HDAC9: variants seen among roughly 807,000 people sequenced by gnomAD.
HDAC9 encodes the protein histone deacetylase 9.
A neutral mutation model predicts 139.4 loss-of-function variants in HDAC9; 41 were observed. That is an observed-to-expected ratio of 0.29 (90% confidence interval 0.23 to 0.38). The LOEUF (loss-of-function observed/expected upper bound fraction) is 0.38, where lower values mean the gene tolerates loss of function less well. HDAC9 is among the 10% of genes least tolerant of loss of function. HDAC9 has a pLI of 1.00. For missense variants in HDAC9, 1,147 were observed against 1,297.0 expected (o/e 0.88, Z 1.78); for synonymous variants, 517 against 476.2 (o/e 1.09, Z -1.12).
chr7:18,786,795 CT>C (rs1211799898), intron 16 of HDAC9, among the ~76,000 whole-genome samples: 1 of 63,936 alleles, frequency 1.6e-5, no homozygotes, highest in Admixed American at 1.4e-4. Flanking sequence ...TTCTTTCTTT[CT>C]TTCCTTCCTT....
intron 1 of HDAC9, among the ~76,000 whole-genome samples, chr7:18,439,478 C>T (rs1335677181): frequency 1.3e-5 from 2 of 152,148 alleles, no homozygotes; most frequent in Admixed American, 6.5e-5. Flanking sequence ...GCCCATCTCA[C>T]GTCTGCTTCA....
chr7:18,573,041 G>A (rs1824808757), intron 2 of HDAC9, among the ~76,000 whole-genome samples: 1 of 152,146 alleles, frequency 6.6e-6, no homozygotes, highest in African/African-American at 2.4e-5. Flanking sequence ...ATATTTCAAG[G>A]CCTACTGATA....
chr7:18,566,219 A>G (rs1377695675), intron 2 of HDAC9, among the ~76,000 whole-genome samples: 1 of 152,238 alleles, frequency 6.6e-6, no homozygotes, highest in African/African-American at 2.4e-5. Flanking sequence ...TCCAAATACC[A>G]CAATCAAGGA....
At chr7:18,852,388 G>A (rs1158171987) in intron 21 of HDAC9, among the ~76,000 whole-genome samples, 2 of 152,174 alleles carry the variant, frequency 1.3e-5, no homozygotes, top group South Asian at 2.1e-4. Flanking sequence ...AGAGTCAGGC[G>A]AGGAGGCGGA....
chr7:18,558,315 T>G lies in HDAC9; in HGVS notation c.23-26966T>G, dbSNP rs77585172. On this transcript the variant is annotated intron_variant, in intron 2 of 25. Transcript: ENST00000686413. ...TTTCCGGTTATTGGTGTTTCTTTCATAGGCCATTGGTAAGTGAAGGAACTA... is the reference window on the plus strand; with the variant it reads ...TTTCCGGTTATTGGTGTTTCTTTCAGAGGCCATTGGTAAGTGAAGGAACTA... Among the ~76,000 whole-genome samples the G allele has an allele frequency of 4.2e-3, 641 of 152,300 alleles. 5 individuals carry two copies. The highest frequency in any genetic ancestry group is 0.015 in the African/African-American group (603 of 41,570).
intron 12 of HDAC9, among the ~76,000 whole-genome samples, chr7:18,714,532 A>G (rs1015817066): frequency 2.6e-5 from 4 of 152,302 alleles, no homozygotes; most frequent in Middle Eastern, 3.4e-3. Context: ...ACCCTTATGA[A>G]TAGCCATGCT....
chr7:18,458,818 A>G, intron 1 of HDAC9: 1 of 1,524,872 alleles, frequency 6.6e-7, no homozygotes, highest in South Asian at 1.2e-5. Flanking sequence ...TTCCTTCTTC[A>G]ACCTGACTTT....
chr7:18,444,835 T>C (rs1304110013), intron 1 of HDAC9, among the ~76,000 whole-genome samples: 2 of 152,230 alleles, frequency 1.3e-5, no homozygotes, highest in Non-Finnish European at 2.9e-5. Context: ...TTCTTGACCA[T>C]TACCATCAAG....
At chr7:18,332,353 A>G (rs914349273) in intron 1 of HDAC9, among the ~76,000 whole-genome samples, 47 of 129,176 alleles carry the variant, frequency 3.6e-4, no homozygotes, top group African/African-American at 1.3e-3. Flanking sequence ...GTGGCTGTGC[A>G]TGCGCACATG....
intron 2 of HDAC9, among the ~76,000 whole-genome samples, chr7:18,280,258 C>T (rs1472930452): frequency 6.6e-6 from 1 of 152,010 alleles, no homozygotes; most frequent in South Asian, 2.1e-4. Flanking sequence ...TTGAGACCAG[C>T]TTGGATAACA....
At chr7:18,209,294 T>C (rs1791767882) in intron 2 of HDAC9, among the ~76,000 whole-genome samples, 2 of 152,208 alleles carry the variant, frequency 1.3e-5, no homozygotes, top group Admixed American at 6.5e-5. Flanking sequence ...GTAAATACTT[T>C]ATGGTCCCCA....
intron 1 of HDAC9, among the ~76,000 whole-genome samples, chr7:18,294,329 C>T (rs1226798738): frequency 1.3e-5 from 2 of 152,118 alleles, no homozygotes; most frequent in East Asian, 1.9e-4. Context: ...GTTCTTATTC[C>T]GTGGTTTCTT....
At chr7:18,253,150 C>A (rs1440907800) in intron 2 of HDAC9, among the ~76,000 whole-genome samples, 1 of 152,176 alleles carries the variant, frequency 6.6e-6, no homozygotes, top group Admixed American at 6.5e-5. Flanking sequence ...ATCCAGTCTA[C>A]TGTTGATGAG....
At chr7:18,799,080 C>G (rs866144072) in intron 17 of HDAC9, among the ~76,000 whole-genome samples, 1 of 129,576 alleles carries the variant, frequency 7.7e-6, no homozygotes. Flanking sequence ...CACACACACA[C>G]ACACACACAC....
intron 16 of HDAC9, among the ~76,000 whole-genome samples, chr7:18,786,791 CTTT>C (rs1314863224): frequency 1.3e-5 from 1 of 76,622 alleles, no homozygotes; most frequent in Admixed American, 1.2e-4. Flanking sequence ...TTCTTTCTTT[CTTT>C]CTTTCCTTCC....
intron 2 of HDAC9, 132 bp downstream of exon 2, chr7:18,496,456 G>C: frequency 1.4e-6 from 1 of 736,302 alleles, no homozygotes; most frequent in Non-Finnish European, 2.3e-6. Flanking sequence ...TTCTTGGTGC[G>C]TCTGTAGGGT....
chr7:18,960,301 A>G (rs891673812), intron 24 of HDAC9, among the ~76,000 whole-genome samples: 1 of 151,686 alleles, frequency 6.6e-6, no homozygotes, highest in Non-Finnish European at 1.5e-5. Flanking sequence ...TTTGACACCT[A>G]CTCCTTGTCA....
At chr7:18,136,332 C>G (rs1785416096) in intron 1 of HDAC9, among the ~76,000 whole-genome samples, 1 of 152,196 alleles carries the variant, frequency 6.6e-6, no homozygotes, top group South Asian at 2.1e-4. Flanking sequence ...TCAATTTTGT[C>G]CTTTGTTGCC....
chr7:18,732,468 G>GTATATA (rs2129133231), intron 13 of HDAC9, among the ~76,000 whole-genome samples: 1 of 70,478 alleles, frequency 1.4e-5, no homozygotes, highest in South Asian at 4.7e-4. Context: ...ATTTGTATGT[G>GTATATA]TGTATATACA....
Sources: gnomAD v4.1 joint callset for allele counts (sites outside exome capture counted in the v4.1 genomes callset) on GRCh38, gnomAD v4.1.1 for gene constraint, MANE v1.5 for transcripts, NCBI Gene and HGNC (gene_info 2026-07-23, HGNC 2026-07-21) for gene names.